The following P3H3 variants were observed in gnomAD, a reference collection of about 807,000 sequenced individuals.
P3H3 encodes the protein gene rich cluster, B.
A neutral mutation model predicts 78.1 loss-of-function variants in P3H3; 64 were observed. The ratio of observed to expected loss-of-function variants is 0.82; its 90% CI spans 0.67 to 1.01. The LOEUF is 1.01. Ranked by LOEUF, P3H3 falls within the 50% of genes least tolerant of loss-of-function variation. The pLI is 0.00. For synonymous variants in P3H3, 425 were observed against 416.7 expected, an observed-to-expected ratio of 1.02 and a Z score of -0.24; for missense variants, 975 against 982.2, an observed-to-expected ratio of 0.99 and a Z score of 0.10.
rs1364423488 is a variant in P3H3, at chr12:6,836,857, G to A, written c.1459-128G>A. The A allele has an allele frequency of 6.1e-6, 4 of 659,646 alleles. No individual in the cohort carries two copies. In the Admixed American group the frequency reaches 1.1e-4, roughly 17 times the overall value. 40.9% of individuals were successfully genotyped at this position (659,646 alleles called of 1,614,324 possible). A position where few individuals can be genotyped will look rare whatever the true frequency, so the allele number is the denominator to read the frequency against. ...AAAGAGCAGCAGCTCAGGAAGACGA[G>A]CCACAACAGAACTGTGGGAGCATCT... On this transcript the variant is annotated intron_variant, in intron 9 of 14. Coordinates refer to ENST00000290510, the MANE Select transcript of P3H3 (RefSeq NM_014262.5).
At chr12:6,830,281 C>A in intron 2 of P3H3, 72 bp from the exon 3 acceptor site, 1 of 1,434,126 alleles carries the variant, frequency 7.0e-7, no homozygotes. Flanking sequence ...GAGACCAACA[C>A]CCCTCTCCTC....
chr12:6,828,895 G>A lies in P3H3; in HGVS notation c.455G>A (p.Arg152His). The A allele has an allele frequency of 1.6e-6, 2 of 1,246,716 alleles. No homozygotes were observed. Among genetic ancestry groups the A allele is most frequent in the East Asian group, 3.1e-5 (1 of 31,754 alleles). 77.2% of individuals were successfully genotyped at this position (1,246,716 alleles called of 1,614,324 possible). A position where few individuals can be genotyped will look rare whatever the true frequency, so the allele number is the denominator to read the frequency against. Residue 152 changes from arginine to histidine, a missense_variant, in exon 1 of 15, where the codon CGC (arginine) becomes CAC (histidine). Arg to His is a conservative substitution (Grantham distance 29). Transcript: ENST00000290510. ...RVGSALRDAF[R>H]RREPYNYLQR... The stretch of plus-strand genomic sequence containing the variant: ...GGGAGCGCGCTCCGGGACGCCTTCC[G>A]CCGTCGGGAGCCCTACAACTACCTG...
At position 6,837,961 on chromosome 12, in the gene P3H3, A is replaced by G; in HGVS notation, c.1833A>G (p.Gly611=). The G allele has an allele frequency of 1.2e-6, 2 of 1,605,902 alleles. No individual in the cohort carries two copies. Among genetic ancestry groups the G allele is most frequent in the African/African-American group, 2.7e-5 (2 of 74,724 alleles). Residue 611 remains glycine, a synonymous_variant, in exon 13 of 15, where the codon GGA becomes GGG. Transcript: ENST00000290510. The stretch of plus-strand genomic sequence containing the variant: ...TCTTGCTTTTTTCCCTCCCCAGCGG[A>G]CTCCTCTACCTCAACGATGACTTCC... ...PPAYTYRDYS[G]LLYLNDDFQG...
chr12:6,830,597 G>A (rs1804507278), intron 3 of P3H3, 42 bp from the exon 4 acceptor site: 1 of 1,591,460 alleles, frequency 6.3e-7, no homozygotes. Context: ...TGCCCAGGGA[G>A]GGGCATGAAC....
chr12:6,830,742 G>A lies in P3H3; in HGVS notation c.957G>A (p.Leu319=), dbSNP rs144572820. The change falls in exon 4 of 15, where the codon CTG becomes CTA. Residue 319 remains leucine (L), a synonymous_variant. Coordinates refer to ENST00000290510, the MANE Select transcript of P3H3 (RefSeq NM_014262.5). The part of the protein sequence containing the change: ...FPVPDFLPNQ[L]RRLHEAHAQV... ...TCCCAGACTTCCTTCCCAACCAGCT[G>A]AGGCGGCTACATGAGGCCCATGCTC... 1.9e-6 allele frequency: 3 copies of A among 1,614,010 alleles called. No individual in the cohort carries two copies. Among genetic ancestry groups the A allele is most frequent in the East Asian group, 4.5e-5 (2 of 44,882 alleles).
rs1555121183 is a variant in P3H3 at position 6,830,471 on chromosome 12, G to A, written c.770G>A (p.Cys257Tyr). The stretch of plus-strand genomic sequence containing the variant: ...CAGATGGAGAGCTGCCGTGCTGACT[G>A]TGAGGGGCCTGAGGAGCAGCAGGGG... The part of the protein sequence containing the change: ...LAQMESCRAD[C>Y]EGPEEQQGAE... Residue 257 changes from cysteine to tyrosine, a missense_variant, in exon 3 of 15, where the codon TGT (cysteine) becomes TAT (tyrosine). Physicochemically the swap from Cys to Tyr is radical, Grantham distance 194. Transcript: ENST00000290510. 2 of 1,588,808 alleles carry A rather than the reference G, an allele frequency of 1.3e-6. No homozygotes were observed. Among genetic ancestry groups the A allele is most frequent in the Middle Eastern group, 2.1e-4 (1 of 4,734 alleles).
intron 6 of P3H3, among the ~76,000 whole-genome samples, chr12:6,832,394 T>TG (rs1225933356): frequency 6.6e-6 from 1 of 152,112 alleles, no homozygotes; most frequent in Non-Finnish European, 1.5e-5. Context: ...AATTCTTTGT[T>TG]GGGGCAGAGG....
At chr12:6,838,883 T>C (rs1475334615) in intron 13 of P3H3, 117 bp from the exon 14 acceptor site, 3 of 790,542 alleles carry the variant, frequency 3.8e-6, no homozygotes, top group Non-Finnish European at 5.6e-6. Flanking sequence ...GAGTAGGAAG[T>C]GGTAGCGAGA....
At chr12:6,830,910 G>GTTC in intron 4 of P3H3, 140 bp downstream of exon 4, 1 of 1,310,010 alleles carries the variant, frequency 7.6e-7, no homozygotes, top group Non-Finnish European at 1.1e-6. Flanking sequence ...ACTTCACAAG[G>GTTC]ACTCTAATTT....
chr12:6,838,717 G>A (rs1555122578), intron 13 of P3H3, among the ~76,000 whole-genome samples: 3 of 152,102 alleles, frequency 2.0e-5, no homozygotes, highest in Non-Finnish European at 4.4e-5. Flanking sequence ...GGATTCAAAG[G>A]GCTGAGTGGG....
intron 11 of P3H3, 54 bp from the exon 12 acceptor site, chr12:6,837,678 G>C: frequency 6.3e-7 from 1 of 1,583,552 alleles, no homozygotes; most frequent in Non-Finnish European, 8.6e-7. Flanking sequence ...AGCCCACAGG[G>C]TGGCAGATGG....
At chr12:6,838,870 A>T in intron 13 of P3H3, 130 bp from the exon 14 acceptor site, 2 of 679,768 alleles carry the variant, frequency 2.9e-6, no homozygotes, top group Non-Finnish European at 4.4e-6. Context: ...TCCCTGAATT[A>T]AGGAGTAGGA....
In P3H3 at chr12:6,831,436, G is replaced by A. The variant is rs782435007; in HGVS notation, c.1122+84G>A. ...GAAGTAACCTGGACCCCCACCCCCC[G>A]CTGGCCTCTTACCCGAGCACTCTAG... On this transcript the variant is annotated intron_variant, in intron 5 of 14. Transcript: ENST00000290510. This position sits in a 1 kb window ranked among gnomAD's most constrained non-coding sequence, Gnocchi z 4.6. 2.0e-5 allele frequency: 31 copies of A among 1,558,004 alleles called. No homozygotes were observed. In the Admixed American group the frequency reaches 2.2e-4, roughly 11 times the overall value.
At position 6,831,744 on chromosome 12, in the gene P3H3, G is replaced by A; in HGVS notation, c.1123-81G>A. On this transcript the variant is annotated intron_variant, in intron 5 of 14. Transcript: ENST00000290510. This position sits in a 1 kb window ranked among gnomAD's most constrained non-coding sequence, Gnocchi z 4.6. ...CATGGTGCCAGGTTCAAGGAGCATG[G>A]AGCACCCAGGCAGTGCCCTAGAGCC... The A allele has an allele frequency of 4.7e-6, 4 of 859,504 alleles. No homozygotes were observed. The highest frequency in any genetic ancestry group is 7.7e-6 in the Non-Finnish European group (4 of 517,260). 53.2% of individuals were successfully genotyped at this position (859,504 alleles called of 1,614,324 possible). A position where few individuals can be genotyped will look rare whatever the true frequency, so the allele number is the denominator to read the frequency against.
chr12:6,837,561 A>G lies in P3H3; in HGVS notation c.1699A>G (p.Ser567Gly). The G allele has an allele frequency of 2.5e-6, 4 of 1,612,336 alleles. No individual in the cohort carries two copies. The highest frequency in any genetic ancestry group is 2.2e-5 in the East Asian group (1 of 44,772). ...HLSFTHLVCR[S>G]AIEGEQEQRM... is the part of the protein sequence containing the mutation. ...GTCCTTCACCCACCTGGTGTGCCGCAGCGCCATAGAAGGTACGACAGGGAC... is the reference window on the plus strand; with the variant it reads ...GTCCTTCACCCACCTGGTGTGCCGCGGCGCCATAGAAGGTACGACAGGGAC... The change falls in exon 11 of 15, where the codon AGC becomes GGC. Residue 567 changes from serine (S) to glycine (G), a missense_variant. Transcript: ENST00000290510.
Position 6,828,697 on chromosome 12 carries a change from G to A in P3H3, c.257G>A (p.Gly86Asp). ...GGGGCGAGCTGCGCGGCCGATCCGG[G>A]CGCCGCGCTCCCCGCCGTGCTTCTC... ...DCGASCAADP[G>D]AALPAVLLGA... The change falls in exon 1 of 15, where the codon GGC becomes GAC. Residue 86 changes from glycine (G) to aspartate (D), a missense_variant. Gly to Asp is a moderately conservative substitution (Grantham distance 94). Transcript: ENST00000290510. The A allele has an allele frequency of 1.6e-6, 2 of 1,244,672 alleles. No homozygotes were observed. Among genetic ancestry groups the A allele is most frequent in the East Asian group, 3.2e-5 (1 of 31,232 alleles). The allele number at this position is 1,244,672 out of a possible 1,614,324, so 77.1% of individuals were successfully genotyped here. A position where few individuals can be genotyped will look rare whatever the true frequency, so the allele number is the denominator to read the frequency against.
In P3H3 at chr12:6,828,709, C is replaced by A. The variant is rs1943410089; in HGVS notation, c.269C>A (p.Pro90His). 1.6e-6 allele frequency: 2 copies of A among 1,246,822 alleles called. No individual in the cohort carries two copies. Among genetic ancestry groups the A allele is most frequent in the Non-Finnish European group, 2.0e-6 (2 of 996,364 alleles). 77.2% of individuals were successfully genotyped at this position (1,246,822 alleles called of 1,614,324 possible). ...SCAADPGAAL[P>H]AVLLGAPEPD... Reference sequence around the variant, plus strand: ...GCGGCCGATCCGGGCGCCGCGCTCCCCGCCGTGCTTCTCGGGGCCCCGGAG... The same window carrying A: ...GCGGCCGATCCGGGCGCCGCGCTCCACGCCGTGCTTCTCGGGGCCCCGGAG... Residue 90 changes from proline (P) to histidine (H), a missense_variant, in exon 1 of 15, where the codon CCC (proline) becomes CAC (histidine). By Grantham distance (77) the Pro-to-His change is moderately conservative. Coordinates refer to ENST00000290510, the MANE Select transcript of P3H3 (RefSeq NM_014262.5).
intron 6 of P3H3, among the ~76,000 whole-genome samples, chr12:6,832,898 C>A (rs1385449991): frequency 1.5e-5 from 2 of 133,900 alleles, no homozygotes; most frequent in African/African-American, 2.9e-5. Context: ...CCACCGGAAC[C>A]CGGCCTGCAG....
At position 6,828,627 on chromosome 12, in the gene P3H3, G is replaced by A. The variant is rs1480981010; in HGVS notation, c.187G>A (p.Ala63Thr). 7.4e-6 allele frequency: 9 copies of A among 1,215,392 alleles called. No homozygotes were observed. Among genetic ancestry groups the A allele is most frequent in the East Asian group, 6.6e-5 (2 of 30,102 alleles). The allele number at this position is 1,215,392 out of a possible 1,614,324, so 75.3% of individuals were successfully genotyped here. The change falls in exon 1 of 15, where the codon GCG becomes ACG. Residue 63 changes from alanine (A) to threonine (T), a missense_variant. Transcript: ENST00000290510. ...WAPAVALLRE[A>T]LRSQAALGRV... ...GCCGGCCGTGGCGCTGCTGCGGGAG[G>A]CGCTGCGGAGCCAGGCGGCGCTGGG...
Sources: allele counts gnomAD v4.1 joint callset (sites outside exome capture counted in the v4.1 genomes callset), GRCh38; gene constraint gnomAD v4.1.1; non-coding constraint Gnocchi (gnomAD v3.1); transcripts MANE v1.5; gene names NCBI Gene and HGNC (gene_info 2026-07-23, HGNC 2026-07-21).